The following LPCAT1 variants were observed in gnomAD, a reference collection of about 807,000 sequenced individuals.
LPCAT1 encodes the protein 1-acylglycerol-3-phosphate O-acyltransferase.
In LPCAT1, 23 loss-of-function variants were observed where a neutral mutation model predicts 60.9. The observed-to-expected ratio is 0.38, with a 90% confidence interval of 0.27 to 0.53. The LOEUF is 0.53. Among genes scored for constraint, LPCAT1 ranks in the 20% least tolerant of loss-of-function variants. LPCAT1 has a pLI of 0.82. For synonymous variants in LPCAT1, 340 were observed against 301.1 expected, an observed-to-expected ratio of 1.13 and a Z score of -1.34; for missense variants, 622 against 723.6, an observed-to-expected ratio of 0.86 and a Z score of 1.61.
Position 1,483,023 on chromosome 5 carries a change from G to A in LPCAT1, c.726+405C>T, listed in dbSNP as rs1033930294. On this transcript the variant is annotated intron_variant, in intron 6 of 13. Coordinates refer to ENST00000283415, the MANE Select transcript of LPCAT1 (RefSeq NM_024830.5). This position sits in a 1 kb window ranked among gnomAD's most constrained non-coding sequence, Gnocchi z 9.2. Reference sequence around the variant, plus strand: ...AATGTTCTTAATTTTTAAACTTCCTGGAGCATGAACTGGGTACTGAAAGCT... The same window carrying A: ...AATGTTCTTAATTTTTAAACTTCCTAGAGCATGAACTGGGTACTGAAAGCT... Among the ~76,000 whole-genome samples the A allele has an allele frequency of 6.6e-6, 1 of 152,192 alleles. No homozygotes were observed. Among genetic ancestry groups the A allele is most frequent in the Non-Finnish European group, 1.5e-5 (1 of 68,038 alleles).
intron 1 of LPCAT1, among the ~76,000 whole-genome samples, chr5:1,513,041 A>T (rs560204458): frequency 1.3e-5 from 2 of 152,200 alleles, no homozygotes; most frequent in East Asian, 3.9e-4. Flanking sequence ...AGGAGTAGAG[A>T]GTGCAGAGCC....
In LPCAT1 at chr5:1,522,600, G is replaced by A. The variant is rs900889226; in HGVS notation, c.135+1110C>T. Among the ~76,000 whole-genome samples, 1 of 152,198 alleles carries A rather than the reference G, an allele frequency of 6.6e-6. No homozygotes were observed. Among genetic ancestry groups the A allele is most frequent in the African/African-American group, 2.4e-5 (1 of 41,452 alleles). ...ATCAAGGGGCTTTGAGCAAAAGCAG[G>A]CGTCCTGGGAAAATGACAAGCTCAA... On this transcript the variant is annotated intron_variant, in intron 1 of 13. Coordinates refer to ENST00000283415, the MANE Select transcript of LPCAT1 (RefSeq NM_024830.5). The surrounding 1 kb of genome is among the most constrained non-coding windows in gnomAD (Gnocchi z 6.8).
At chr5:1,514,305 G>A (rs1434012876) in intron 1 of LPCAT1, among the ~76,000 whole-genome samples, 1 of 152,218 alleles carries the variant, frequency 6.6e-6, no homozygotes, top group Non-Finnish European at 1.5e-5. Context: ...CAACAAACAG[G>A]GTCCACATGC....
intron 8 of LPCAT1, among the ~76,000 whole-genome samples, chr5:1,478,356 T>G (rs1471884996): frequency 6.6e-6 from 1 of 152,288 alleles, no homozygotes; most frequent in African/African-American, 2.4e-5. Flanking sequence ...TAAACTGCCA[T>G]GGTTCCTTGC....
At position 1,521,372 on chromosome 5, in the gene LPCAT1, C is replaced by T. The variant is rs1736672885; in HGVS notation, c.135+2338G>A. On this transcript the variant is annotated intron_variant, in intron 1 of 13. Transcript: ENST00000283415. The surrounding 1 kb of genome is among the most constrained non-coding windows in gnomAD (Gnocchi z 4.3). The stretch of plus-strand genomic sequence containing the variant: ...TGGTTTATCTCAACTGGGAACTTAG[C>T]TGGGTTTCTGCGGGTTCTTGAGTGT... The T allele has an allele frequency of 1.0e-6, 1 of 985,492 alleles. No homozygotes were observed. Among genetic ancestry groups the T allele is most frequent in the Non-Finnish European group, 1.2e-6 (1 of 829,952 alleles). 61.0% of individuals were successfully genotyped at this position (985,492 alleles called of 1,614,324 possible). A position where few individuals can be genotyped will look rare whatever the true frequency, so the allele number is the denominator to read the frequency against.
intron 11 of LPCAT1, among the ~76,000 whole-genome samples, chr5:1,472,939 C>G (rs1001759481): frequency 6.6e-6 from 1 of 152,174 alleles, no homozygotes. Flanking sequence ...GGTTCACACT[C>G]TGCATACTTG....
chr5:1,498,924 T>C (rs1016797061), intron 2 of LPCAT1, among the ~76,000 whole-genome samples: 1 of 142,580 alleles, frequency 7.0e-6, no homozygotes, highest in Admixed American at 7.1e-5. Context: ...CACATGCGCA[T>C]ATGTACACAC....
chr5:1,466,733 A>G lies in LPCAT1; in HGVS notation c.1420+16T>C. ...GCCCAAGGGTCGCGAGGACGACCCC[A>G]CTCCTGCGGGCTCACCGAATGTGAT... is the stretch of plus-strand genomic sequence containing the variant. On this transcript the variant is annotated intron_variant, in intron 13 of 13. Transcript: ENST00000283415. The G allele has an allele frequency of 6.3e-7, 1 of 1,597,664 alleles. No homozygotes were observed. Among genetic ancestry groups the G allele is most frequent in the Non-Finnish European group, 8.5e-7 (1 of 1,169,938 alleles).
At chr5:1,516,252 G>A (rs116826313) in intron 1 of LPCAT1, among the ~76,000 whole-genome samples, 268 of 152,364 alleles carry the variant, frequency 1.8e-3, no homozygotes, top group African/African-American at 6.1e-3. Flanking sequence ...GCCTGGCACA[G>A]GGACAGGACA....
At position 1,487,004 on chromosome 5, in the gene LPCAT1, C is replaced by T. The variant is rs73031874; in HGVS notation, c.667+1387G>A. Among the ~76,000 whole-genome samples, 21 of 152,276 alleles carry T rather than the reference C, an allele frequency of 1.4e-4. No individual in the cohort carries two copies. The highest frequency in any genetic ancestry group is 5.1e-4 in the African/African-American group (21 of 41,554). ...TGATATGCGTTGAGAGGTGCTCACA[C>T]GCCCTCCTCACGTCTACACAAGGGC... On this transcript the variant is annotated intron_variant, in intron 5 of 13. Coordinates refer to ENST00000283415, the MANE Select transcript of LPCAT1 (RefSeq NM_024830.5). The surrounding 1 kb of genome is among the most constrained non-coding windows in gnomAD (Gnocchi z 6.1).
rs10043491 is a variant in LPCAT1, at chr5:1,476,670, C to A, written c.899+734G>T. On this transcript the variant is annotated intron_variant, in intron 9 of 13. Coordinates refer to ENST00000283415, the MANE Select transcript of LPCAT1 (RefSeq NM_024830.5). The surrounding 1 kb of genome is among the most constrained non-coding windows in gnomAD (Gnocchi z 8.6). The stretch of plus-strand genomic sequence containing the variant: ...CGGTGGAGGGGAGGCTCTAGCTCCA[C>A]TGGACAGAGCTTTGCAGGAGGAAGC... Among the ~76,000 whole-genome samples the A allele has an allele frequency of 0.24, 35,886 of 151,900 alleles. 4,542 individuals are homozygous for A. Among genetic ancestry groups the A allele is most frequent in the Middle Eastern group, 0.43 (125 of 294 alleles).
At position 1,522,873 on chromosome 5, in the gene LPCAT1, A is replaced by G. The variant is rs530128527; in HGVS notation, c.135+837T>C. Among the ~76,000 whole-genome samples, 2 of 152,224 alleles carry G rather than the reference A, an allele frequency of 1.3e-5. No homozygotes were observed. Among genetic ancestry groups the G allele is most frequent in the East Asian group, 3.9e-4 (2 of 5,162 alleles). ...TGGCAGCCAGGTAGCCGGAAAAGCCAGGCTGAGCCAGCACATCCCCGGTGC... is the reference window on the plus strand; with the variant it reads ...TGGCAGCCAGGTAGCCGGAAAAGCCGGGCTGAGCCAGCACATCCCCGGTGC... On this transcript the variant is annotated intron_variant, in intron 1 of 13. Coordinates refer to ENST00000283415, the MANE Select transcript of LPCAT1 (RefSeq NM_024830.5). This position sits in a 1 kb window ranked among gnomAD's most constrained non-coding sequence, Gnocchi z 6.8.
At position 1,490,024 on chromosome 5, in the gene LPCAT1, A is replaced by C. The variant is rs2277002; in HGVS notation, c.494-166T>G. On this transcript the variant is annotated intron_variant, in intron 3 of 13. Coordinates refer to ENST00000283415, the MANE Select transcript of LPCAT1 (RefSeq NM_024830.5). ...TGAGTCCCTGACTGAGGGAACGGGA[A>C]CAGCACCCGGGCTTCCCATGTCTGT... Among the ~76,000 whole-genome samples the C allele has an allele frequency of 6.1e-3, 929 of 152,360 alleles. 5 individuals are homozygous for C. Among genetic ancestry groups the C allele is most frequent in the East Asian group, 0.031 (161 of 5,186 alleles).
rs1735766965 is a variant in LPCAT1, at chr5:1,495,771, C to T, written c.279-857G>A. Among the ~76,000 whole-genome samples, 1 of 152,186 alleles carries T rather than the reference C, an allele frequency of 6.6e-6. No homozygotes were observed. Among genetic ancestry groups the T allele is most frequent in the Admixed American group, 6.5e-5 (1 of 15,284 alleles). Reference sequence around the variant, plus strand: ...CATCACACTGGGTAAAACTACTGCACAGAGAAACAAGAGCCTGAAGCCTTA... The same window carrying T: ...CATCACACTGGGTAAAACTACTGCATAGAGAAACAAGAGCCTGAAGCCTTA... On this transcript the variant is annotated intron_variant, in intron 2 of 13. Transcript: ENST00000283415. This position sits in a 1 kb window ranked among gnomAD's most constrained non-coding sequence, Gnocchi z 4.7.
chr5:1,518,494 T>A (rs895237962), intron 1 of LPCAT1, among the ~76,000 whole-genome samples: 1 of 152,228 alleles, frequency 6.6e-6, no homozygotes, highest in Non-Finnish European at 1.5e-5. Flanking sequence ...GCACCTGCCA[T>A]GACACCCGTC....
At position 1,476,221 on chromosome 5, in the gene LPCAT1, G is replaced by A. The variant is rs759080091; in HGVS notation, c.899+1183C>T. Reference sequence around the variant, plus strand: ...AAGTAGCCAGTATTGGCAGCAGTCCGGAGCACAGGTGCTGGGCTTGGAGGT... The same window carrying A: ...AAGTAGCCAGTATTGGCAGCAGTCCAGAGCACAGGTGCTGGGCTTGGAGGT... On this transcript the variant is annotated intron_variant, in intron 9 of 13. Transcript: ENST00000283415. This position sits in a 1 kb window ranked among gnomAD's most constrained non-coding sequence, Gnocchi z 8.6. 4.6e-5 allele frequency among the ~76,000 whole-genome samples: 7 copies of A among 152,176 alleles called. No individual in the cohort carries two copies. Among genetic ancestry groups the A allele is most frequent in the African/African-American group, 7.2e-5 (3 of 41,450 alleles).
At chr5:1,509,250 C>T (rs1331129338) in intron 1 of LPCAT1, among the ~76,000 whole-genome samples, 2 of 152,266 alleles carry the variant, frequency 1.3e-5, no homozygotes, top group African/African-American at 2.4e-5. Flanking sequence ...CTACGGTTAG[C>T]GCGGTGGAGG....
At chr5:1,490,285 C>T (rs1017414579) in intron 3 of LPCAT1, among the ~76,000 whole-genome samples, 1 of 152,212 alleles carries the variant, frequency 6.6e-6, no homozygotes, top group Non-Finnish European at 1.5e-5. Flanking sequence ...CTGAAGTCCT[C>T]ACTCCTGGTA....
In LPCAT1 at chr5:1,496,025, G is replaced by A. The variant is rs1392409879; in HGVS notation, c.279-1111C>T. 1.3e-5 allele frequency among the ~76,000 whole-genome samples: 2 copies of A among 152,192 alleles called. No individual in the cohort carries two copies. The highest frequency in any genetic ancestry group is 4.8e-5 in the African/African-American group (2 of 41,440). On this transcript the variant is annotated intron_variant, in intron 2 of 13. Coordinates refer to ENST00000283415, the MANE Select transcript of LPCAT1 (RefSeq NM_024830.5). The surrounding 1 kb of genome is among the most constrained non-coding windows in gnomAD (Gnocchi z 4.7). ...TGTCTAGAGGAGGGGGGATTACACA[G>A]GTGTGCACTTCTTCACCACCTGTTC...
Sources: allele counts gnomAD v4.1 joint callset (sites outside exome capture counted in the v4.1 genomes callset), GRCh38; gene constraint gnomAD v4.1.1; non-coding constraint Gnocchi (gnomAD v3.1); transcripts MANE v1.5; gene names NCBI Gene and HGNC (gene_info 2026-07-23, HGNC 2026-07-21).